Variants in EPHA10 observed in about 807,000 individuals in gnomAD.
EPHA10 encodes the protein EPH receptor A10, also known as ephrin type-A receptor 10.
In EPHA10, 120 loss-of-function variants were observed where a neutral mutation model predicts 109.7. That is an observed-to-expected ratio of 1.09 (90% confidence interval 0.94 to 1.27). The LOEUF is 1.27. Among genes scored for constraint, EPHA10 ranks in the 50% most tolerant of loss-of-function variants. The probability of loss-of-function intolerance (pLI) is 0.00; values close to 1 mark genes in which losing one functional copy is unlikely to be tolerated. For missense variants in EPHA10, 1,396 were observed against 1,411.1 expected (o/e 0.99, Z 0.17); for synonymous variants, 640 against 618.9 (o/e 1.03, Z -0.51).
chr1:37,715,522 C>T (rs1645678485), downstream of EPHA10, among the ~76,000 whole-genome samples: 2 of 152,174 alleles, frequency 1.3e-5, no homozygotes, highest in Non-Finnish European at 2.9e-5. Context: ...GACCCCAAAG[C>T]TCTGTCTCTA....
chr1:37,762,139 G>A, intron 2 of EPHA10, 56 bp from the exon 3 acceptor site: 1 of 1,499,096 alleles, frequency 6.7e-7, no homozygotes, highest in South Asian at 1.3e-5. Context: ...TCCAGGAGGT[G>A]GAGCGCTAGC....
At position 37,764,878 on chromosome 1, in the gene EPHA10, G is replaced by T; in HGVS notation, c.106+83C>A. On this transcript the variant is annotated intron_variant, in intron 1 of 16. Transcript: ENST00000373048. This position sits in a 1 kb window ranked among gnomAD's most constrained non-coding sequence, Gnocchi z 5.8. ...CAATACAGACTCTAGTCTCTCCAAT[G>T]ACTCCTTCCCCCAGAACCCCCATCG... The T allele has an allele frequency of 7.9e-7, 1 of 1,259,288 alleles. No homozygotes were observed. Among genetic ancestry groups the T allele is most frequent in the Non-Finnish European group, 1.1e-6 (1 of 900,138 alleles). The allele number at this position is 1,259,288 out of a possible 1,614,324, so 78.0% of individuals were successfully genotyped here. A position where few individuals can be genotyped will look rare whatever the true frequency, so the allele number is the denominator to read the frequency against.
intron 6 of EPHA10, among the ~76,000 whole-genome samples, 184 bp from the exon 7 acceptor site, chr1:37,731,766 T>C (rs1410206512): frequency 6.6e-6 from 1 of 152,200 alleles, no homozygotes. Context: ...TTAGCCCCTG[T>C]CTTCACCACA....
rs1312882173 is a variant in EPHA10 at position 37,717,307 on chromosome 1, G to A, written c.*1065C>T. 1 of 232,572 alleles carries A rather than the reference G, an allele frequency of 4.3e-6. No homozygotes were observed. 14.4% of individuals were successfully genotyped at this position (232,572 alleles called of 1,614,324 possible). A position where few individuals can be genotyped will look rare whatever the true frequency, so the allele number is the denominator to read the frequency against. On this transcript the variant is annotated 3_prime_UTR_variant, in exon 17 of 17. Transcript: ENST00000373048. ...CCAAGGCACGGAGCTGGCTGGAGGG[G>A]AGTCGCCTCTAGAGTCCCCAAGGGC...
intron 5 of EPHA10, among the ~76,000 whole-genome samples, chr1:37,735,628 C>T (rs1646058682): frequency 6.6e-6 from 1 of 151,964 alleles, no homozygotes; most frequent in African/African-American, 2.4e-5. Flanking sequence ...CTTCATTGTC[C>T]CATAGAGGGA....
intron 14 of EPHA10, 122 bp from the exon 15 acceptor site, chr1:37,719,729 C>T: frequency 7.2e-7 from 1 of 1,394,052 alleles, no homozygotes; most frequent in South Asian, 1.3e-5. Flanking sequence ...CACACAGACA[C>T]AGACACACAC....
chr1:37,727,565 C>G (rs573938520), intron 7 of EPHA10, among the ~76,000 whole-genome samples: 7 of 152,362 alleles, frequency 4.6e-5, no homozygotes, highest in African/African-American at 1.4e-4. Flanking sequence ...TCCCTACCCC[C>G]AGTCCAGACC....
chr1:37,718,605 G>A (rs778788009), intron 16 of EPHA10, 56 bp downstream of exon 16: 1 of 1,612,798 alleles, frequency 6.2e-7, no homozygotes, highest in Non-Finnish European at 8.5e-7. Flanking sequence ...TATAGGCAGG[G>A]GCAGGGCCTG....
intron 10 of EPHA10, chr1:37,722,285 A>G: frequency 1.2e-5 from 3 of 244,356 alleles, no homozygotes; most frequent in Non-Finnish European, 2.5e-5. Context: ...CAGTGGGGGG[A>G]GGTTTCCAAG....
rs114269877 is a variant in EPHA10, at chr1:37,763,345, G to T, written c.107-496C>A. On this transcript the variant is annotated intron_variant, in intron 1 of 16. Transcript: ENST00000373048. ...TAATCTCTGCCTCAGTCATCACACT[G>T]CCTCCTCCTCTGACTCTGGCTCCTC... Among the ~76,000 whole-genome samples, 895 of 152,166 alleles carry T rather than the reference G, an allele frequency of 5.9e-3. 11 individuals are homozygous for T. The highest frequency in any genetic ancestry group is 0.02 in the African/African-American group (849 of 41,494).
chr1:37,734,429 G>C (rs1646036141), intron 6 of EPHA10, among the ~76,000 whole-genome samples: 1 of 152,156 alleles, frequency 6.6e-6, no homozygotes, highest in South Asian at 2.1e-4. Context: ...AGCTACTTGG[G>C]AGGCTGAAGC....
At chr1:37,752,110 T>C (rs1646337001) in intron 5 of EPHA10, among the ~76,000 whole-genome samples, 2 of 152,064 alleles carry the variant, frequency 1.3e-5, no homozygotes. Context: ...TCAGAAACCA[T>C]ACCACTCGCT....
chr1:37,753,098 G>A lies in EPHA10; in HGVS notation c.1135C>T (p.Arg379Cys), dbSNP rs557124744. ...SDVTYSLLCL[R>C]CGREGPAGAC... is the part of the protein sequence containing the mutation. ...CCCGCCGGGCCCTCGCGGCCGCAGCGCAGGCACAGCAGCGAGTAGGTGACG... is the reference window on the plus strand; with the variant it reads ...CCCGCCGGGCCCTCGCGGCCGCAGCACAGGCACAGCAGCGAGTAGGTGACG... Residue 379 changes from arginine (R) to cysteine (C), a missense_variant, in exon 5 of 17, where the codon CGC (arginine) becomes TGC (cysteine). Coordinates refer to ENST00000373048, the MANE Select transcript of EPHA10 (RefSeq NM_001099439.2). 3.7e-6 allele frequency: 5 copies of A among 1,360,304 alleles called. No homozygotes were observed. Among genetic ancestry groups the A allele is most frequent in the East Asian group, 3.3e-5 (1 of 30,548 alleles). The allele number at this position is 1,360,304 out of a possible 1,614,324, so 84.3% of individuals were successfully genotyped here.
chr1:37,762,634 C>A, intron 2 of EPHA10, 151 bp downstream of exon 2: 1 of 430,540 alleles, frequency 2.3e-6, no homozygotes, highest in Non-Finnish European at 3.8e-6. Flanking sequence ...TCAATGTTTT[C>A]TAACAGGCCA....
At chr1:37,726,083 C>T (rs891235194) in intron 8 of EPHA10, among the ~76,000 whole-genome samples, 1 of 152,232 alleles carries the variant, frequency 6.6e-6, no homozygotes, top group African/African-American at 2.4e-5. Context: ...CCTGCAGAGC[C>T]TCTGCCCGGA....
chr1:37,715,121 C>G (rs1451179000), downstream of EPHA10: 3 of 152,268 alleles, frequency 2.0e-5, no homozygotes, highest in Non-Finnish European at 4.4e-5. Flanking sequence ...CCTCCATCTC[C>G]TGGGTTCAAG....
intron 8 of EPHA10, among the ~76,000 whole-genome samples, chr1:37,725,506 C>CAA (rs536628850): frequency 0.19 from 10,327 of 55,658 alleles, 1,186 homozygotes; most frequent in Non-Finnish European, 0.24. Flanking sequence ...GGCTCCATCT[C>CAA]AAAAAAAAAA....
rs1458015353 is a variant in EPHA10, at chr1:37,761,505, G to A, written c.750C>T (p.Ser250=). 2 of 1,599,428 alleles carry A rather than the reference G, an allele frequency of 1.3e-6. No homozygotes were observed. Among genetic ancestry groups the A allele is most frequent in the Non-Finnish European group, 8.5e-7 (1 of 1,178,438 alleles). ...CVAHSEGEPG[S]PPRMHCGADG... ...CGGCGCCGCAGTGCATGCGTGGGGG[G>A]CTGCCAGGCTCCCCTTCCGAGTGCG... Residue 250 remains serine (S), a synonymous_variant, in exon 3 of 17, where the codon AGC becomes AGT. Transcript: ENST00000373048.
At chr1:37,753,368 G>C in intron 4 of EPHA10, 142 bp from the exon 5 acceptor site, 1 of 477,200 alleles carries the variant, frequency 2.1e-6, no homozygotes, top group Non-Finnish European at 3.3e-6. Context: ...CGGGGAGGAG[G>C]GAACCAGGGC....
Sources: allele counts gnomAD v4.1 joint callset (sites outside exome capture counted in the v4.1 genomes callset), GRCh38; gene constraint gnomAD v4.1.1; non-coding constraint Gnocchi (gnomAD v3.1); transcripts MANE v1.5; gene names NCBI Gene and HGNC (gene_info 2026-07-23, HGNC 2026-07-21).